The following HMGCLL1 variants were observed in gnomAD, a reference collection of about 807,000 sequenced individuals.
The protein encoded by HMGCLL1 is 3-hydroxy-3-methylglutaryl-CoA lyase like 1.
A neutral mutation model predicts 39.1 loss-of-function variants in HMGCLL1; 36 were observed. The ratio of observed to expected loss-of-function variants is 0.92; its 90% CI spans 0.71 to 1.22. The LOEUF (loss-of-function observed/expected upper bound fraction) is 1.22, where lower values mean the gene tolerates loss of function less well. HMGCLL1 is among the 50% of genes most tolerant of loss of function. The pLI is 0.00. For synonymous variants in HMGCLL1, 149 were observed against 144.0 expected (o/e 1.03, Z -0.25); for missense variants, 451 against 416.5 (o/e 1.08, Z -0.72).
the HMGCLL1 span, among the ~76,000 whole-genome samples, chr6:55,588,950 G>T: frequency 4.6e-5 from 7 of 151,672 alleles, no homozygotes; most frequent in Admixed American, 2.0e-4. Flanking sequence ...GGACCAGATG[G>T]ATTCACAGCC....
the HMGCLL1 span, among the ~76,000 whole-genome samples, chr6:55,665,371 C>G: frequency 0.099 from 14,993 of 151,664 alleles, 847 homozygotes; most frequent in East Asian, 0.17. Context: ...AATACACTCC[C>G]TTGTTGAGTC....
At chr6:55,535,906 A>AT (rs1768991343) in intron 3 of HMGCLL1, among the ~76,000 whole-genome samples, 1 of 152,082 alleles carries the variant, frequency 6.6e-6, no homozygotes, top group South Asian at 2.1e-4. Context: ...CCTCGTCAAA[A>AT]TCACCTCCTT....
At chr6:55,577,276 G>A in intron 1 of HMGCLL1, 5 of 1,389,110 alleles carry the variant, frequency 3.6e-6, no homozygotes, top group Non-Finnish European at 4.8e-6. Flanking sequence ...AACTAAAACA[G>A]AATTATTTTT....
upstream of HMGCLL1, among the ~76,000 whole-genome samples, chr6:55,579,948 T>G (rs1027332663): frequency 2.0e-5 from 3 of 152,150 alleles, no homozygotes; most frequent in Non-Finnish European, 2.9e-5. Flanking sequence ...CTTACGTGTA[T>G]TGTCACACCC....
At chr6:55,511,731 T>C (rs1034471888) in intron 5 of HMGCLL1, among the ~76,000 whole-genome samples, 17 of 152,048 alleles carry the variant, frequency 1.1e-4, no homozygotes, top group Non-Finnish European at 4.4e-5. Context: ...TAAAATCAGA[T>C]TGCCAGTAAA....
the HMGCLL1 span, among the ~76,000 whole-genome samples, chr6:55,627,088 G>A: frequency 6.7e-6 from 1 of 150,230 alleles, no homozygotes; most frequent in Non-Finnish European, 1.5e-5. Flanking sequence ...AACCACTGAG[G>A]TGCTTGCTGA....
the HMGCLL1 span, among the ~76,000 whole-genome samples, chr6:55,674,372 G>A: frequency 6.6e-6 from 1 of 150,580 alleles, no homozygotes; most frequent in African/African-American, 2.4e-5. Context: ...ATAGCCATGG[G>A]CAACAAAGCA....
chr6:55,530,046 C>A (rs942769585), intron 3 of HMGCLL1, among the ~76,000 whole-genome samples: 1 of 133,306 alleles, frequency 7.5e-6, no homozygotes, highest in African/African-American at 2.9e-5. Context: ...CTCAGAAAAC[C>A]TGAAACCTGG....
intron 7 of HMGCLL1, among the ~76,000 whole-genome samples, chr6:55,468,012 C>G (rs994635101): frequency 1.1e-4 from 17 of 151,968 alleles, no homozygotes; most frequent in Non-Finnish European, 5.9e-5. Context: ...TGAAGTGGAC[C>G]ATACAGAATG....
At chr6:55,449,345 T>C (rs1392967895) in intron 7 of HMGCLL1, among the ~76,000 whole-genome samples, 1 of 152,200 alleles carries the variant, frequency 6.6e-6, no homozygotes, top group Non-Finnish European at 1.5e-5. Flanking sequence ...ATTCTTCTTC[T>C]TTAATAGCCA....
rs200884073 is a variant in HMGCLL1 at position 55,495,630 on chromosome 6, A to G, written c.607-23T>C. ...CACCTGTTGATAAAGGTGAAGTGCT[A>G]GTAAAATAATGGAAATGAAGAGACT... On this transcript the variant is annotated intron_variant, in intron 6 of 8. Transcript: ENST00000274901. 20 of 1,539,032 alleles carry G rather than the reference A, an allele frequency of 1.3e-5. No individual in the cohort carries two copies. In the East Asian group the frequency reaches 4.7e-4, roughly 36 times the overall value.
the HMGCLL1 span, among the ~76,000 whole-genome samples, chr6:55,595,019 T>C: frequency 6.6e-6 from 1 of 152,188 alleles, no homozygotes; most frequent in Non-Finnish European, 1.5e-5. Context: ...TTTTTATTTT[T>C]CCGTACAATA....
At chr6:55,636,227 G>T in the HMGCLL1 span, among the ~76,000 whole-genome samples, 1 of 151,924 alleles carries the variant, frequency 6.6e-6, no homozygotes, top group Non-Finnish European at 1.5e-5. Context: ...TTTTAAACTA[G>T]AAAAAAAGCC....
At chr6:55,654,796 C>T in the HMGCLL1 span, among the ~76,000 whole-genome samples, 2 of 151,892 alleles carry the variant, frequency 1.3e-5, no homozygotes. Context: ...CAAATTTCTT[C>T]TTCTCTGTCA....
intron 7 of HMGCLL1, among the ~76,000 whole-genome samples, chr6:55,473,494 C>T (rs1297459235): frequency 6.6e-6 from 1 of 151,288 alleles, no homozygotes; most frequent in Non-Finnish European, 1.5e-5. Context: ...TCATGTGTAG[C>T]ACCAGTACGT....
At chr6:55,561,617 C>T (rs1177658406) in intron 1 of HMGCLL1, among the ~76,000 whole-genome samples, 1 of 152,004 alleles carries the variant, frequency 6.6e-6, no homozygotes, top group Non-Finnish European at 1.5e-5. Context: ...CCATAGCTCT[C>T]ACTTAAAAGC....
chr6:55,453,099 A>C (rs1764173105), intron 7 of HMGCLL1, among the ~76,000 whole-genome samples: 1 of 152,192 alleles, frequency 6.6e-6, no homozygotes, highest in African/African-American at 2.4e-5. Flanking sequence ...ACAGAGAAGA[A>C]GCAATGTGGA....
the HMGCLL1 span, among the ~76,000 whole-genome samples, chr6:55,657,294 G>A: frequency 4.6e-5 from 7 of 152,112 alleles, no homozygotes; most frequent in South Asian, 1.2e-3. Flanking sequence ...GTCCTGAGTG[G>A]TATTGCCTAG....
chr6:55,640,438 T>C, the HMGCLL1 span, among the ~76,000 whole-genome samples: 2 of 151,970 alleles, frequency 1.3e-5, no homozygotes, highest in African/African-American at 2.4e-5. Context: ...GAGGAGTACA[T>C]ACAGCATCAT....
Sources: gnomAD v4.1 joint callset for allele counts (sites outside exome capture counted in the v4.1 genomes callset) on GRCh38, gnomAD v4.1.1 for gene constraint, MANE v1.5 for transcripts, NCBI Gene and HGNC (gene_info 2026-07-23, HGNC 2026-07-21) for gene names.